The following BAZ2B variants were observed in gnomAD, a reference collection of about 807,000 sequenced individuals.
BAZ2B encodes the protein bromodomain adjacent to zinc finger domain protein 2B.
In BAZ2B, 91 loss-of-function variants were observed where a neutral mutation model predicts 246.0. The observed-to-expected ratio is 0.37, with a 90% confidence interval of 0.31 to 0.44. The LOEUF (loss-of-function observed/expected upper bound fraction) is 0.44, where lower values mean the gene tolerates loss of function less well. Ranked by LOEUF, BAZ2B falls within the 20% of genes least tolerant of loss-of-function variation. The pLI is 1.00. For synonymous variants in BAZ2B, 855 were observed against 860.0 expected (o/e 0.99, Z 0.10); for missense variants, 2,332 against 2,533.7 (o/e 0.92, Z 1.71).
chr2:159,560,853 A>T (rs1403424651), intron 1 of BAZ2B, among the ~76,000 whole-genome samples: 1 of 152,120 alleles, frequency 6.6e-6, no homozygotes, highest in Admixed American at 6.6e-5. Flanking sequence ...AATCATTTCA[A>T]ATACTGACTT....
chr2:159,646,287 G>A, the BAZ2B span, among the ~76,000 whole-genome samples: 9,641 of 152,228 alleles, frequency 0.063, 398 homozygotes, highest in Middle Eastern at 0.14. Flanking sequence ...TGTTCCGCCT[G>A]GCTCACCGGC....
At chr2:159,423,987 C>T (rs919632911) in intron 13 of BAZ2B, among the ~76,000 whole-genome samples, 5 of 152,150 alleles carry the variant, frequency 3.3e-5, no homozygotes, top group Non-Finnish European at 5.9e-5. Flanking sequence ...CAAACCTGTA[C>T]ACGTACCCCT....
At chr2:159,507,444 G>A (rs541416525) in intron 2 of BAZ2B, among the ~76,000 whole-genome samples, 210 of 152,258 alleles carry the variant, frequency 1.4e-3, no homozygotes, top group Non-Finnish European at 2.5e-3. Flanking sequence ...GAGTTGGAAA[G>A]GTGTTTCTTT....
Position 159,350,235 on chromosome 2 carries a change from G to C in BAZ2B, c.4336C>G (p.Gln1446Glu). Residue 1446 changes from glutamine to glutamate, a missense_variant, in exon 28 of 37, where the codon CAA becomes GAA. Around this residue, in one of 9 missense-constraint regions of BAZ2B, gnomAD observed 676 missense variants for 668.6 expected, o/e 1.01. Transcript: ENST00000392783. The stretch of plus-strand genomic sequence containing the variant: ...TCTTTTTCTTTAAGATCTTCCTTTT[G>C]TTCACAGTGATCTGTATTTGAACAA... The part of the protein sequence containing the change: ...LNCSNTDHCE[Q>E]KEDLKEKDNT... 6.2e-7 allele frequency: 1 copy of C among 1,613,474 alleles called. No individual in the cohort carries two copies. Among genetic ancestry groups the C allele is most frequent in the South Asian group, 1.1e-5 (1 of 91,020 alleles).
chr2:159,643,203 G>T, the BAZ2B span, among the ~76,000 whole-genome samples: 4 of 152,114 alleles, frequency 2.6e-5, no homozygotes. Context: ...ACAATACACT[G>T]GTGGTTTAAC....
At chr2:159,680,074 T>G in the BAZ2B span, among the ~76,000 whole-genome samples, 58 of 152,340 alleles carry the variant, frequency 3.8e-4, no homozygotes, top group African/African-American at 1.3e-3. Flanking sequence ...AATCCTAGGC[T>G]TATTATGTTA....
rs1367550299 is a variant in BAZ2B at position 159,360,647 on chromosome 2, A to T, written c.4214-10290T>A. Among the ~76,000 whole-genome samples, 3 of 152,194 alleles carry T rather than the reference A, an allele frequency of 2.0e-5. No individual in the cohort carries two copies. In the East Asian group the frequency reaches 5.8e-4, roughly 29 times the overall value. On this transcript the variant is annotated intron_variant, in intron 27 of 36. Coordinates refer to ENST00000392783, the MANE Select transcript of BAZ2B (RefSeq NM_013450.4). The stretch of plus-strand genomic sequence containing the variant: ...AAAAAGGTCCCATATAGCCAAGACA[A>T]CCCTAAGCAGAAAGAACAAAGCTGG...
At chr2:159,392,938 A>C (rs1454965828) in intron 20 of BAZ2B, among the ~76,000 whole-genome samples, 2 of 146,996 alleles carry the variant, frequency 1.4e-5, no homozygotes. Flanking sequence ...CCAAAAGTGG[A>C]ATTAAATACA....
the BAZ2B span, among the ~76,000 whole-genome samples, chr2:159,685,785 T>C: frequency 6.6e-6 from 1 of 152,216 alleles, no homozygotes; most frequent in Non-Finnish European, 1.5e-5. Flanking sequence ...CTGTTATTAA[T>C]ACATGATAAA....
chr2:159,605,332 G>T (rs1440695947), intron 1 of BAZ2B, among the ~76,000 whole-genome samples: 1 of 152,050 alleles, frequency 6.6e-6, no homozygotes, highest in Non-Finnish European at 1.5e-5. Context: ...CACTGCACCT[G>T]GCTTGATAAG....
rs1013181896 is a variant in BAZ2B at position 159,605,874 on chromosome 2, G to T, written c.-46+10368C>A. Among the ~76,000 whole-genome samples the T allele has an allele frequency of 7.2e-5, 11 of 152,042 alleles. No individual in the cohort carries two copies. The South Asian group carries it at 8.3e-4, about 11-fold the overall frequency. On this transcript the variant is annotated intron_variant, in intron 1 of 36. Coordinates refer to ENST00000392783, the MANE Select transcript of BAZ2B (RefSeq NM_013450.4). ...TTCTTTAAAACAATTCTTCTCTTTTGTGAGTTTTGGCAAGTGTACCTACAA... is the reference window on the plus strand; with the variant it reads ...TTCTTTAAAACAATTCTTCTCTTTTTTGAGTTTTGGCAAGTGTACCTACAA...
chr2:159,465,880 C>G (rs2076975009), intron 3 of BAZ2B, among the ~76,000 whole-genome samples: 1 of 151,510 alleles, frequency 6.6e-6, no homozygotes, highest in Non-Finnish European at 1.5e-5. Flanking sequence ...CACCACTGCA[C>G]TCCAGCCTGG....
At chr2:159,667,531 G>A in the BAZ2B span, among the ~76,000 whole-genome samples, 2 of 151,978 alleles carry the variant, frequency 1.3e-5, no homozygotes, top group African/African-American at 4.8e-5. Flanking sequence ...AGGAGGTGGA[G>A]GTTGCAGTGA....
the BAZ2B span, among the ~76,000 whole-genome samples, chr2:159,634,127 A>G: frequency 6.6e-6 from 1 of 152,224 alleles, no homozygotes; most frequent in Admixed American, 6.5e-5. Flanking sequence ...TAATAAGACA[A>G]CCAAGATCAG....
At chr2:159,512,048 A>G (rs920857572) in intron 2 of BAZ2B, among the ~76,000 whole-genome samples, 1 of 152,198 alleles carries the variant, frequency 6.6e-6, no homozygotes, top group Non-Finnish European at 1.5e-5. Flanking sequence ...TCATGTATTT[A>G]TAGAACAGAA....
At chr2:159,583,464 T>C (rs1478465074) in intron 1 of BAZ2B, among the ~76,000 whole-genome samples, 2 of 152,212 alleles carry the variant, frequency 1.3e-5, no homozygotes, top group African/African-American at 2.4e-5. Context: ...AAGTCATGTA[T>C]GTTTACCGCT....
At chr2:159,351,120 T>G (rs926383620) in intron 27 of BAZ2B, among the ~76,000 whole-genome samples, 1 of 152,152 alleles carries the variant, frequency 6.6e-6, no homozygotes, top group Non-Finnish European at 1.5e-5. Context: ...CAAGCTGTAC[T>G]ACACAGCAAA....
At chr2:159,496,375 TAAAAAAAA>T (rs58900011) in intron 2 of BAZ2B, among the ~76,000 whole-genome samples, 3 of 58,902 alleles carry the variant, frequency 5.1e-5, no homozygotes, top group African/African-American at 2.1e-4. Context: ...AGACTCCATC[TAAAAAAAA>T]AAAAAAAAAA....
the BAZ2B span, chr2:159,690,295 A>T: frequency 3.5e-6 from 1 of 284,392 alleles, no homozygotes; most frequent in East Asian, 9.7e-5. Context: ...ACCTTTCATA[A>T]GGCGCTCATT....
Sources: gnomAD v4.1 joint callset for allele counts (sites outside exome capture counted in the v4.1 genomes callset) on GRCh38, gnomAD v4.1.1 for gene constraint, gnomAD v4.1.1 regional missense constraint, MANE v1.5 for transcripts, NCBI Gene and HGNC (gene_info 2026-07-23, HGNC 2026-07-21) for gene names.